DNAJC1: variants seen among roughly 807,000 people sequenced by gnomAD.
DNAJC1 encodes DnaJ heat shock protein family (Hsp40) member C1.
In DNAJC1, 58 loss-of-function variants were observed where a neutral mutation model predicts 76.6. The observed-to-expected ratio is 0.76, with a 90% CI of 0.61 to 0.94. The LOEUF (loss-of-function observed/expected upper bound fraction) is 0.94, where lower values mean the gene tolerates loss of function less well. Among genes scored for constraint, DNAJC1 ranks in the 40% least tolerant of loss-of-function variants. The pLI is 0.00. For synonymous variants in DNAJC1, 258 were observed against 267.9 expected, an observed-to-expected ratio of 0.96 and a Z score of 0.36; for missense variants, 689 against 677.3, an observed-to-expected ratio of 1.02 and a Z score of -0.19.
At chr10:21,977,371 AT>A (rs1394156846) in intron 1 of DNAJC1, among the ~76,000 whole-genome samples, 1 of 152,204 alleles carries the variant, frequency 6.6e-6, no homozygotes. Flanking sequence ...TAAAACAACT[AT>A]TAGCAGGTTT....
At chr10:21,892,163 A>T (rs770054598) in intron 7 of DNAJC1, among the ~76,000 whole-genome samples, 8 of 152,102 alleles carry the variant, frequency 5.3e-5, no homozygotes, top group African/African-American at 1.4e-4. Context: ...AAATATATTT[A>T]AAAAAACATT....
intron 8 of DNAJC1, among the ~76,000 whole-genome samples, chr10:21,865,101 T>C (rs1835976918): frequency 6.6e-6 from 1 of 152,122 alleles, no homozygotes; most frequent in South Asian, 2.1e-4. Context: ...ATTGCACTTC[T>C]CACACACTGC....
chr10:21,897,872 G>C (rs1040344230), intron 7 of DNAJC1, among the ~76,000 whole-genome samples: 7 of 152,130 alleles, frequency 4.6e-5, no homozygotes, highest in Admixed American at 6.5e-5. Context: ...ATTCTAGCTA[G>C]TACTATAAGG....
At chr10:21,962,218 G>A (rs1186346631) in intron 1 of DNAJC1, among the ~76,000 whole-genome samples, 1 of 151,958 alleles carries the variant, frequency 6.6e-6, no homozygotes, top group African/African-American at 2.4e-5. Flanking sequence ...CAGACATTTT[G>A]TCTGTTTTGT....
chr10:21,971,715 T>C (rs527856183), intron 1 of DNAJC1, among the ~76,000 whole-genome samples: 86 of 152,052 alleles, frequency 5.7e-4, no homozygotes, highest in Non-Finnish European at 1.0e-3. Context: ...AAATTACTTC[T>C]GCTAAAACTG....
intron 7 of DNAJC1, among the ~76,000 whole-genome samples, chr10:21,898,278 T>C (rs1477488737): frequency 3.3e-5 from 5 of 152,222 alleles, no homozygotes; most frequent in African/African-American, 4.8e-5. Flanking sequence ...ATGGTAAATA[T>C]ATCAATCCTC....
At chr10:21,784,285 C>G (rs11012787) in intron 9 of DNAJC1, among the ~76,000 whole-genome samples, 67,164 of 152,058 alleles carry the variant, frequency 0.44, 17,704 homozygotes, top group East Asian at 0.71. Flanking sequence ...ATGCAGCCAA[C>G]AGATGCAAGA....
chr10:21,884,137 A>C (rs1302300690), intron 7 of DNAJC1, among the ~76,000 whole-genome samples: 4 of 152,186 alleles, frequency 2.6e-5, no homozygotes, highest in Non-Finnish European at 4.4e-5. Flanking sequence ...AAAAGAGTAA[A>C]CAAATCAAGA....
chr10:21,813,355 G>A (rs7072340), intron 8 of DNAJC1, among the ~76,000 whole-genome samples: 5,097 of 149,718 alleles, frequency 0.034, 152 homozygotes, highest in African/African-American at 0.067. Flanking sequence ...TAATAGGAAA[G>A]GACATTGTCT....
intron 9 of DNAJC1, among the ~76,000 whole-genome samples, chr10:21,785,815 G>A (rs1328968910): frequency 2.0e-5 from 3 of 152,194 alleles, no homozygotes; most frequent in Admixed American, 1.3e-4. Context: ...GATGGAAAAG[G>A]AGGAGGGGAA....
intron 1 of DNAJC1, among the ~76,000 whole-genome samples, chr10:21,937,327 T>C (rs1420664460): frequency 6.6e-6 from 1 of 152,134 alleles, no homozygotes; most frequent in African/African-American, 2.4e-5. Flanking sequence ...GCTATACCAA[T>C]ATTAGGTAAA....
intron 9 of DNAJC1, among the ~76,000 whole-genome samples, chr10:21,767,040 C>A (rs1405673104): frequency 6.6e-6 from 1 of 151,498 alleles, no homozygotes; most frequent in East Asian, 1.9e-4. Context: ...CTAGAATTTC[C>A]AGAAATGGAA....
intron 8 of DNAJC1, chr10:21,865,217 T>C (rs1201779538): frequency 6.6e-6 from 1 of 152,100 alleles, no homozygotes; most frequent in Non-Finnish European, 1.5e-5. Flanking sequence ...CCACAAGGCA[T>C]TTACTCCAGA....
chr10:21,844,299 G>A (rs545675401), intron 8 of DNAJC1, among the ~76,000 whole-genome samples: 13 of 151,692 alleles, frequency 8.6e-5, no homozygotes, highest in Admixed American at 3.9e-4. Context: ...GTACAGGTTG[G>A]GTTTCACAAC....
At chr10:21,780,123 T>A (rs1216946878) in intron 9 of DNAJC1, among the ~76,000 whole-genome samples, 5 of 152,206 alleles carry the variant, frequency 3.3e-5, no homozygotes, top group Non-Finnish European at 7.3e-5. Context: ...GTCTGATTGG[T>A]GTACCTGAAA....
intron 7 of DNAJC1, 113 bp downstream of exon 7, chr10:21,904,407 GAA>G (rs80315655): frequency 3.6e-3 from 1,785 of 495,754 alleles, no homozygotes; most frequent in Middle Eastern, 6.1e-3. Flanking sequence ...TAGGGAGTGG[GAA>G]AAAAAAAAAA....
At chr10:21,886,479 T>A (rs367746733) in intron 7 of DNAJC1, among the ~76,000 whole-genome samples, 6 of 152,172 alleles carry the variant, frequency 3.9e-5, no homozygotes, top group Non-Finnish European at 5.9e-5. Flanking sequence ...ACTCATTCTA[T>A]GAGGCCAGCA....
chr10:21,824,066 T>C (rs902103341), intron 8 of DNAJC1, among the ~76,000 whole-genome samples: 2 of 152,152 alleles, frequency 1.3e-5, no homozygotes, highest in Non-Finnish European at 2.9e-5. Context: ...AATAATTATG[T>C]TGAATGAATG....
intron 7 of DNAJC1, among the ~76,000 whole-genome samples, chr10:21,887,850 C>CA (rs1836393112): frequency 6.6e-6 from 1 of 152,060 alleles, no homozygotes; most frequent in Non-Finnish European, 1.5e-5. Context: ...TACAAAGACA[C>CA]CAAAAGCAAT....
Sources: gnomAD v4.1 joint callset for allele counts (sites outside exome capture counted in the v4.1 genomes callset) on GRCh38, gnomAD v4.1.1 for gene constraint, MANE v1.5 for transcripts, NCBI Gene and HGNC (gene_info 2026-07-23, HGNC 2026-07-21) for gene names.